BTBD9: variants seen among roughly 807,000 people sequenced by gnomAD.
BTBD9 encodes the protein BTB domain containing 9, also known as BTB/POZ domain-containing protein 9.
BTBD9 carries 49 observed loss-of-function variants against 64.3 expected under a neutral mutation model. The observed-to-expected ratio is 0.76, with a 90% CI of 0.61 to 0.97. BTBD9 has a LOEUF of 0.97. Among genes scored for constraint, BTBD9 ranks in the 50% least tolerant of loss-of-function variants. BTBD9 has a pLI of 0.00. For synonymous variants in BTBD9, 260 were observed against 274.7 expected, an observed-to-expected ratio of 0.95 and a Z score of 0.53; for missense variants, 598 against 762.1, an observed-to-expected ratio of 0.78 and a Z score of 2.53.
intron 6 of BTBD9, among the ~76,000 whole-genome samples, chr6:38,416,057 G>A (rs904046506): frequency 6.6e-6 from 1 of 152,124 alleles, no homozygotes; most frequent in African/African-American, 2.4e-5. Context: ...TAAAGAAAGA[G>A]AGGAAAATTA....
chr6:38,487,335 C>A (rs759019740), intron 6 of BTBD9, among the ~76,000 whole-genome samples: 3 of 152,180 alleles, frequency 2.0e-5, no homozygotes, highest in African/African-American at 2.4e-5. Context: ...AATCCCAGCA[C>A]TTTGGGAGAC....
At chr6:38,557,131 A>G (rs1775064885) in intron 6 of BTBD9, among the ~76,000 whole-genome samples, 1 of 144,662 alleles carries the variant, frequency 6.9e-6, no homozygotes, top group African/African-American at 2.6e-5. Flanking sequence ...GCAGATCATG[A>G]GATTGGGAGT....
rs112623885 is a variant in BTBD9, at chr6:38,457,086, A to G, written c.1155-111993T>C. The stretch of plus-strand genomic sequence containing the variant: ...GCTAGGGTGGGAAAAATGTTGGCAA[A>G]TTCAAGGACAAGAAGGTAGAACATC... On this transcript the variant is annotated intron_variant, in intron 6 of 10. Transcript: ENST00000481247. 7.3e-3 allele frequency among the ~76,000 whole-genome samples: 1,112 copies of G among 152,268 alleles called. 9 individuals are homozygous for G. Among genetic ancestry groups the G allele is most frequent in the African/African-American group, 0.025 (1,053 of 41,538 alleles).
intron 6 of BTBD9, among the ~76,000 whole-genome samples, chr6:38,572,947 A>G (rs1468659508): frequency 2.0e-5 from 3 of 152,062 alleles, no homozygotes; most frequent in African/African-American, 7.2e-5. Context: ...GTACCAATAA[A>G]ACACTAAAAA....
intron 6 of BTBD9, among the ~76,000 whole-genome samples, chr6:38,462,590 T>C (rs1770151263): frequency 6.6e-6 from 1 of 152,238 alleles, no homozygotes; most frequent in Non-Finnish European, 1.5e-5. Flanking sequence ...AGTTTGTTTT[T>C]TTCAAATCCG....
intron 6 of BTBD9, among the ~76,000 whole-genome samples, chr6:38,504,990 T>G (rs1463150986): frequency 1.3e-5 from 2 of 152,212 alleles, no homozygotes; most frequent in African/African-American, 4.8e-5. Flanking sequence ...TCATAGACAC[T>G]TTTCTGACTC....
At chr6:38,207,275 G>T in intron 9 of BTBD9, 1 of 239,026 alleles carries the variant, frequency 4.2e-6, no homozygotes, top group Admixed American at 4.3e-5. Flanking sequence ...AGAAAATGGG[G>T]TCAATGATGT....
chr6:38,546,219 T>C (rs1282988765), intron 6 of BTBD9, among the ~76,000 whole-genome samples: 2 of 152,184 alleles, frequency 1.3e-5, no homozygotes, highest in African/African-American at 4.8e-5. Flanking sequence ...CCTGGAATAT[T>C]GACAAAGGGC....
chr6:38,607,294 T>G (rs1582709787), intron 1 of BTBD9, among the ~76,000 whole-genome samples: 1 of 152,164 alleles, frequency 6.6e-6, no homozygotes, highest in African/African-American at 2.4e-5. Context: ...AAATTAAGAA[T>G]AGAAACCAAT....
chr6:38,415,607 C>T (rs1767632910), intron 6 of BTBD9, among the ~76,000 whole-genome samples: 1 of 152,054 alleles, frequency 6.6e-6, no homozygotes, highest in East Asian at 1.9e-4. Flanking sequence ...AATACAGCAC[C>T]CAAGGTAGAA....
intron 6 of BTBD9, among the ~76,000 whole-genome samples, chr6:38,564,663 C>T (rs538572136): frequency 1.1e-4 from 16 of 152,096 alleles, no homozygotes; most frequent in African/African-American, 3.9e-4. Context: ...CCAAGGTGGG[C>T]GAATCATTAG....
chr6:38,235,748 G>C (rs1763755772), intron 9 of BTBD9, among the ~76,000 whole-genome samples: 1 of 152,186 alleles, frequency 6.6e-6, no homozygotes, highest in Admixed American at 6.5e-5. Context: ...TGAAATGTCT[G>C]CTTTACTCAA....
chr6:38,414,836 GC>G (rs1767593979), intron 6 of BTBD9, among the ~76,000 whole-genome samples: 1 of 152,000 alleles, frequency 6.6e-6, no homozygotes, highest in Admixed American at 6.6e-5. Flanking sequence ...GTTGTGCCCG[GC>G]TTTCTCCTTT....
chr6:38,583,834 T>C (rs1776397039), intron 4 of BTBD9, among the ~76,000 whole-genome samples: 1 of 152,244 alleles, frequency 6.6e-6, no homozygotes, highest in African/African-American at 2.4e-5. Context: ...GGAAATTCTC[T>C]CATGGTAACT....
At chr6:38,426,234 G>A (rs1355475279) in intron 6 of BTBD9, among the ~76,000 whole-genome samples, 2 of 151,772 alleles carry the variant, frequency 1.3e-5, no homozygotes, top group African/African-American at 2.4e-5. Flanking sequence ...CTTTAAACAC[G>A]GGGCTTGCAA....
intron 4 of BTBD9, among the ~76,000 whole-genome samples, chr6:38,581,572 A>G (rs1776285906): frequency 6.6e-6 from 1 of 152,212 alleles, no homozygotes; most frequent in East Asian, 1.9e-4. Flanking sequence ...TATGCTTCAC[A>G]GATGTGGAAC....
At chr6:38,235,594 G>A (rs765029771) in intron 9 of BTBD9, among the ~76,000 whole-genome samples, 1 of 152,222 alleles carries the variant, frequency 6.6e-6, no homozygotes, top group Admixed American at 6.5e-5. Context: ...TGAGCTTGAC[G>A]TGCTCATCTT....
chr6:38,630,672 T>C (rs1314950893), intron 1 of BTBD9, among the ~76,000 whole-genome samples: 1 of 152,220 alleles, frequency 6.6e-6, no homozygotes, highest in Non-Finnish European at 1.5e-5. Context: ...AAGCAGGTAA[T>C]TTATACTTGT....
chr6:38,474,127 CTGATT>C (rs1770774824), intron 6 of BTBD9, among the ~76,000 whole-genome samples: 1 of 152,030 alleles, frequency 6.6e-6, no homozygotes, highest in Non-Finnish European at 1.5e-5. Flanking sequence ...TGTACATGAT[CTGATT>C]TATGTCTTAA....
Sources: allele counts gnomAD v4.1 joint callset (sites outside exome capture counted in the v4.1 genomes callset), GRCh38; gene constraint gnomAD v4.1.1; transcripts MANE v1.5; gene names NCBI Gene and HGNC (gene_info 2026-07-23, HGNC 2026-07-21).